WDR37: variants seen among roughly 807,000 people sequenced by gnomAD.
WDR37 encodes WD repeat-containing protein 37.
WDR37 carries 19 observed loss-of-function variants against 62.9 expected under a neutral mutation model. That is an observed-to-expected ratio of 0.30 (90% CI 0.21 to 0.44). WDR37 has a LOEUF of 0.44. WDR37 is among the 20% of genes least tolerant of loss of function. The pLI is 1.00. For missense variants in WDR37, 474 were observed against 657.6 expected, an observed-to-expected ratio of 0.72 and a Z score of 3.05; for synonymous variants, 250 against 260.9, an observed-to-expected ratio of 0.96 and a Z score of 0.40.
At chr10:1,092,942 A>G (rs1339232543) in intron 7 of WDR37, among the ~76,000 whole-genome samples, 1 of 149,876 alleles carries the variant, frequency 6.7e-6, no homozygotes, top group Non-Finnish European at 1.5e-5. Context: ...AAGTGGGAGG[A>G]CATCATAGAC....
chr10:1,098,145 AGT>A (rs1834657242), intron 9 of WDR37, among the ~76,000 whole-genome samples: 2 of 152,172 alleles, frequency 1.3e-5, no homozygotes, highest in Non-Finnish European at 1.5e-5. Flanking sequence ...CCTAACCCCC[AGT>A]GTGGCTGTAT....
At chr10:1,093,125 C>A (rs1210991392) in intron 7 of WDR37, among the ~76,000 whole-genome samples, 1 of 151,954 alleles carries the variant, frequency 6.6e-6, no homozygotes, top group East Asian at 1.9e-4. Flanking sequence ...TTTGTCTTCA[C>A]CCGTTGTCAT....
chr10:1,068,501 CTAAA>C (rs1237310750), intron 1 of WDR37, among the ~76,000 whole-genome samples: 1 of 151,904 alleles, frequency 6.6e-6, no homozygotes, highest in Non-Finnish European at 1.5e-5. Context: ...GGTGGACACC[CTAAA>C]TAGCCTGTCT....
intron 1 of WDR37, among the ~76,000 whole-genome samples, chr10:1,058,726 G>T (rs1008115736): frequency 6.6e-5 from 10 of 152,162 alleles, no homozygotes; most frequent in South Asian, 2.1e-4. Context: ...TTCTGAGGTT[G>T]CCTGTAGAGA....
intron 11 of WDR37, among the ~76,000 whole-genome samples, chr10:1,116,312 G>A (rs551766558): frequency 2.1e-4 from 32 of 150,002 alleles, no homozygotes; most frequent in Non-Finnish European, 4.0e-4. Context: ...CAGTCCTCCC[G>A]TCACCCACCC....
chr10:1,121,850 C>T lies in WDR37; in HGVS notation c.1104-2368C>T, dbSNP rs746439164. ...TTGAGAATGCAGACGTGAAAACGGTCGCCGCCGCATCATCCTGACTGTGTT... is the reference window on the plus strand; with the variant it reads ...TTGAGAATGCAGACGTGAAAACGGTTGCCGCCGCATCATCCTGACTGTGTT... On this transcript the variant is annotated intron_variant, in intron 11 of 13. Coordinates refer to ENST00000263150, the MANE Select transcript of WDR37 (RefSeq NM_014023.4). This position sits in a 1 kb window ranked among gnomAD's most constrained non-coding sequence, Gnocchi z 4.5. 4.5e-4 allele frequency among the ~76,000 whole-genome samples: 68 copies of T among 151,798 alleles called. No homozygotes were observed. The highest frequency in any genetic ancestry group is 1.0e-3 in the South Asian group (5 of 4,790).
chr10:1,126,661 G>T (rs867518839), intron 13 of WDR37, among the ~76,000 whole-genome samples: 1 of 152,190 alleles, frequency 6.6e-6, no homozygotes, highest in African/African-American at 2.4e-5. Flanking sequence ...CTCATGGCTC[G>T]TGGGCCGCAG....
At chr10:1,083,852 A>C (rs1330745207) in intron 5 of WDR37, among the ~76,000 whole-genome samples, 4 of 152,238 alleles carry the variant, frequency 2.6e-5, no homozygotes, top group African/African-American at 9.6e-5. Context: ...GTCTCGGGCA[A>C]ACCGGCACAC....
In WDR37 at chr10:1,129,586, C is replaced by T. The variant is rs1835911742; in HGVS notation, c.*242C>T. The T allele has an allele frequency of 1.6e-5, 7 of 440,982 alleles. No individual in the cohort carries two copies. The highest frequency in any genetic ancestry group is 2.8e-5 in the Non-Finnish European group (7 of 249,032). The allele number at this position is 440,982 out of a possible 1,614,324, so 27.3% of individuals were successfully genotyped here. ...TCCTCTGGGCAGTAGAGGCAAAGCT[C>T]ACCTCCCATGTAGCACATGAAATGC... is the stretch of plus-strand genomic sequence containing the variant. On this transcript the variant is annotated 3_prime_UTR_variant, in exon 14 of 14. Coordinates refer to ENST00000263150, the MANE Select transcript of WDR37 (RefSeq NM_014023.4).
At chr10:1,070,059 A>T (rs1292607500) in intron 1 of WDR37, among the ~76,000 whole-genome samples, 1 of 152,094 alleles carries the variant, frequency 6.6e-6, no homozygotes, top group Non-Finnish European at 1.5e-5. Context: ...TACAAAAATT[A>T]GCTGGGCATG....
intron 11 of WDR37, among the ~76,000 whole-genome samples, chr10:1,117,539 C>T (rs747252884): frequency 5.9e-5 from 9 of 152,174 alleles, no homozygotes; most frequent in Non-Finnish European, 1.3e-4. Context: ...AGCTTTGTTT[C>T]GGCCTGTCAG....
At chr10:1,117,377 G>A (rs1217315373) in intron 11 of WDR37, among the ~76,000 whole-genome samples, 2 of 152,136 alleles carry the variant, frequency 1.3e-5, no homozygotes, top group South Asian at 4.1e-4. Context: ...TTTTAAAGTC[G>A]CTTCCAAGTT....
At chr10:1,110,077 A>G (rs1340167221) in intron 11 of WDR37, among the ~76,000 whole-genome samples, 2 of 152,182 alleles carry the variant, frequency 1.3e-5, no homozygotes, top group Admixed American at 6.5e-5. Context: ...TTCTTACTCA[A>G]ATTATCATGA....
intron 1 of WDR37, among the ~76,000 whole-genome samples, chr10:1,067,250 A>T (rs1485442783): frequency 6.6e-6 from 1 of 152,220 alleles, no homozygotes; most frequent in Non-Finnish European, 1.5e-5. Context: ...AAAACAAACA[A>T]CAAAAAAACC....
At chr10:1,082,119 C>G (rs1303368302) in intron 5 of WDR37, among the ~76,000 whole-genome samples, 1 of 152,198 alleles carries the variant, frequency 6.6e-6, no homozygotes, top group Non-Finnish European at 1.5e-5. Flanking sequence ...TATAAGACAT[C>G]TGAAGATTGA....
intron 11 of WDR37, among the ~76,000 whole-genome samples, chr10:1,123,057 C>T (rs1267931875): frequency 6.6e-6 from 1 of 152,050 alleles, no homozygotes; most frequent in Admixed American, 6.5e-5. Context: ...TGGTACTTTT[C>T]ATCTTTAGGG....
chr10:1,110,200 GCTTCC>G (rs1241887116), intron 11 of WDR37, among the ~76,000 whole-genome samples: 1 of 152,202 alleles, frequency 6.6e-6, no homozygotes, highest in Non-Finnish European at 1.5e-5. Context: ...TGGACATTGA[GCTTCC>G]CCTCACCGGC....
chr10:1,108,747 C>CG (rs1835108283), intron 11 of WDR37, among the ~76,000 whole-genome samples: 2 of 140,246 alleles, frequency 1.4e-5, no homozygotes, highest in Admixed American at 7.0e-5. Context: ...ATGCCCCCCC[C>CG]CCCCGTGGAA....
intron 11 of WDR37, among the ~76,000 whole-genome samples, chr10:1,110,676 G>A (rs910086448): frequency 2.0e-5 from 3 of 152,334 alleles, no homozygotes; most frequent in Non-Finnish European, 4.4e-5. Flanking sequence ...TGTCTGGGAC[G>A]TTCTGAACAT....
Sources: gnomAD v4.1 joint callset for allele counts (sites outside exome capture counted in the v4.1 genomes callset) on GRCh38, gnomAD v4.1.1 for gene constraint, Gnocchi (gnomAD v3.1) non-coding constraint, MANE v1.5 for transcripts, NCBI Gene and HGNC (gene_info 2026-07-23, HGNC 2026-07-21) for gene names.